DOP1A: variants seen among roughly 807,000 people sequenced by gnomAD.
DOP1A encodes the protein protein DOP1A.
Under a neutral mutation model 267.6 loss-of-function variants are expected in DOP1A, and 90 were observed. That is an observed-to-expected ratio of 0.34 (90% confidence interval 0.28 to 0.40). DOP1A has a LOEUF of 0.40. DOP1A is among the 10% of genes least tolerant of loss of function. DOP1A has a pLI of 1.00. For synonymous variants in DOP1A, 932 were observed against 999.1 expected, an observed-to-expected ratio of 0.93 and a Z score of 1.27; for missense variants, 2,437 against 2,900.4, an observed-to-expected ratio of 0.84 and a Z score of 3.67.
chr6:83,163,063 TC>T, intron 38 of DOP1A, 144 bp downstream of exon 38: 1 of 799,382 alleles, frequency 1.3e-6, no homozygotes, highest in Non-Finnish European at 1.9e-6. Context: ...AGAGTTAATG[TC>T]CATAAGCCTC....
intron 26 of DOP1A, among the ~76,000 whole-genome samples, chr6:83,148,149 C>T (rs1340650706): frequency 1.3e-5 from 2 of 152,170 alleles, no homozygotes. Context: ...GGCGGTGACT[C>T]TCGCCTGTAA....
At chr6:83,129,967 A>G (rs1777770829) in intron 16 of DOP1A, among the ~76,000 whole-genome samples, 156 bp from the exon 17 acceptor site, 2 of 152,220 alleles carry the variant, frequency 1.3e-5, no homozygotes. Context: ...TCTTGTTGCT[A>G]CTTTATTAAA....
chr6:83,094,018 A>G (rs970173136), intron 1 of DOP1A, among the ~76,000 whole-genome samples: 1 of 152,150 alleles, frequency 6.6e-6, no homozygotes, highest in Admixed American at 6.5e-5. Context: ...TGTCACCCCA[A>G]AAAGAAACCC....
chr6:83,162,930 CT>C lies in DOP1A; in HGVS notation c.7092+15del, dbSNP rs1562389316. 3.1e-6 allele frequency: 5 copies of C among 1,606,472 alleles called. No homozygotes were observed. The highest frequency in any genetic ancestry group is 1.3e-5 in the African/African-American group (1 of 74,634). ...CGGAAAAGAGCAAAGGTATCGCATT[CT>C]TTTGTGATTGTTTTGTTTTACATCA... On this transcript the variant is annotated intron_variant, in intron 38 of 38. Coordinates refer to ENST00000349129, the MANE Select transcript of DOP1A (RefSeq NM_015018.4).
At chr6:83,098,716 G>A (rs1023929538) in intron 3 of DOP1A, among the ~76,000 whole-genome samples, 3 of 152,158 alleles carry the variant, frequency 2.0e-5, no homozygotes, top group African/African-American at 2.4e-5. Context: ...AGGAACCTCC[G>A]CATGTGTTCA....
chr6:83,143,188 C>T (rs1779925708), intron 24 of DOP1A, among the ~76,000 whole-genome samples: 5 of 152,194 alleles, frequency 3.3e-5, no homozygotes, highest in South Asian at 2.1e-4. Flanking sequence ...GAGACCAAGG[C>T]GGGAGGATTG....
intron 1 of DOP1A, among the ~76,000 whole-genome samples, chr6:83,096,291 A>T (rs9361990): frequency 6.6e-6 from 1 of 151,102 alleles, no homozygotes; most frequent in Non-Finnish European, 1.5e-5. Context: ...TGTGTTGCCA[A>T]TGCTGGTCTT....
Position 83,138,614 on chromosome 6 carries a change from T to C in DOP1A, c.4572T>C (p.Val1524=), listed in dbSNP as rs776859552. Residue 1524 remains valine, a synonymous_variant, in exon 21 of 39, where the codon GTT becomes GTC. Transcript: ENST00000349129. The part of the protein sequence containing the change: ...FISDMLSKCK[V]QKVILHCLLS... ...CTGATATGTTATCTAAGTGCAAAGTTCAGAAAGTGATTCTTCATTGTTTGC... is the reference window on the plus strand; with the variant it reads ...CTGATATGTTATCTAAGTGCAAAGTCCAGAAAGTGATTCTTCATTGTTTGC... 1.9e-6 allele frequency: 3 copies of C among 1,613,900 alleles called. No homozygotes were observed. The highest frequency in any genetic ancestry group is 2.5e-6 in the Non-Finnish European group (3 of 1,179,906).
intron 1 of DOP1A, among the ~76,000 whole-genome samples, chr6:83,083,115 C>T (rs1262136717): frequency 2.0e-5 from 3 of 152,012 alleles, no homozygotes; most frequent in Non-Finnish European, 4.4e-5. Flanking sequence ...GCCAAAAACC[C>T]ACTCTTTTAT....
chr6:83,092,156 G>A (rs1770545068), intron 1 of DOP1A, among the ~76,000 whole-genome samples: 2 of 152,118 alleles, frequency 1.3e-5, no homozygotes, highest in South Asian at 4.1e-4. Context: ...TGTATGCTGT[G>A]TGTGTGTGTT....
Position 83,130,215 on chromosome 6 carries a change from T to TC in DOP1A, c.2435dup (p.Leu813ThrfsTer41), listed in dbSNP as rs1281760964. 6.2e-7 allele frequency: 1 copy of TC among 1,614,094 alleles called. No homozygotes were observed. Among genetic ancestry groups the TC allele is most frequent in the Non-Finnish European group, 8.5e-7 (1 of 1,179,994 alleles). On this transcript the variant is annotated frameshift_variant, in exon 17 of 39. Coordinates refer to ENST00000349129, the MANE Select transcript of DOP1A (RefSeq NM_015018.4). LOFTEE classifies it high-confidence loss of function. ...TTTCAGTGTTCAGAGTGTTGCTATTTCACTAGTTATGGACCTGGTGGGACT... is the reference window on the plus strand; with the variant it reads ...TTTCAGTGTTCAGAGTGTTGCTATTTCCACTAGTTATGGACCTGGTGGGACT...
At chr6:83,120,992 G>T (rs1776284936) in intron 10 of DOP1A, among the ~76,000 whole-genome samples, 1 of 151,892 alleles carries the variant, frequency 6.6e-6, no homozygotes, top group Admixed American at 6.6e-5. Context: ...CTGTCTTGTG[G>T]TATGTATGTA....
chr6:83,117,596 G>T (rs1441675822), intron 7 of DOP1A, among the ~76,000 whole-genome samples: 1 of 152,208 alleles, frequency 6.6e-6, no homozygotes, highest in Non-Finnish European at 1.5e-5. Flanking sequence ...AGGTGCAGCT[G>T]CTATGCTGCC....
In DOP1A at chr6:83,145,574, T is replaced by G. The variant is rs1562361208; in HGVS notation, c.5592T>G (p.Arg1864=). The change falls in exon 25 of 39, where the codon CGT becomes CGG. Residue 1864 remains arginine (R), a synonymous_variant. Coordinates refer to ENST00000349129, the MANE Select transcript of DOP1A (RefSeq NM_015018.4). The part of the protein sequence containing the change: ...EEQLLLVELV[R]SISVMRAETV... Reference sequence around the variant, plus strand: ...AGCTTTTATTAGTGGAATTGGTTCGTTCAATCAGTGTCATGAGAGCAGAAA... The same window carrying G: ...AGCTTTTATTAGTGGAATTGGTTCGGTCAATCAGTGTCATGAGAGCAGAAA... 4.3e-6 allele frequency: 7 copies of G among 1,612,058 alleles called. No homozygotes were observed. The highest frequency in any genetic ancestry group is 5.9e-6 in the Non-Finnish European group (7 of 1,178,816).
At chr6:83,070,078 G>C (rs1267386544) in intron 1 of DOP1A, among the ~76,000 whole-genome samples, 1 of 152,208 alleles carries the variant, frequency 6.6e-6, no homozygotes, top group Non-Finnish European at 1.5e-5. Flanking sequence ...AGTGTCACTA[G>C]TACACCACCA....
chr6:83,071,568 G>A (rs915008506), intron 1 of DOP1A, among the ~76,000 whole-genome samples: 18 of 151,900 alleles, frequency 1.2e-4, no homozygotes, highest in Admixed American at 4.6e-4. Context: ...ATCATCCCAC[G>A]TCTCCATTTG....
chr6:83,119,031 G>A (rs766252076), intron 8 of DOP1A, 44 bp downstream of exon 8: 2 of 1,553,702 alleles, frequency 1.3e-6, no homozygotes, highest in Non-Finnish European at 1.8e-6. Context: ...AAAAAATGGA[G>A]GGAGATTTGT....
chr6:83,085,562 T>G (rs576229486), intron 1 of DOP1A, among the ~76,000 whole-genome samples: 8 of 152,172 alleles, frequency 5.3e-5, no homozygotes, highest in Non-Finnish European at 1.2e-4. Context: ...ATGTAGAGAA[T>G]AGCAAGAACA....
Position 83,157,268 on chromosome 6 carries a change from A to C in DOP1A, c.6691A>C (p.Met2231Leu). Residue 2231 changes from methionine (M) to leucine (L), a missense_variant, in exon 35 of 39, where the codon ATG becomes CTG. Met to Leu is a conservative substitution (Grantham distance 15, BLOSUM62 2). Around this residue, in one of 9 missense-constraint regions of DOP1A, gnomAD observed 75 missense variants for 149.6 expected, o/e 0.50. Coordinates refer to ENST00000349129, the MANE Select transcript of DOP1A (RefSeq NM_015018.4). ...GTTTTTCAGAGTGTTACTTTTAAGA[A>C]TGTCTCCCCAACATCTTACCTCACT... ...FLFFRVLLLR[M>L]SPQHLTSLWP... 1 of 1,614,012 alleles carries C rather than the reference A, an allele frequency of 6.2e-7. No homozygotes were observed. The highest frequency in any genetic ancestry group is 8.5e-7 in the Non-Finnish European group (1 of 1,179,930).
Sources: allele counts gnomAD v4.1 joint callset (sites outside exome capture counted in the v4.1 genomes callset), GRCh38; gene constraint gnomAD v4.1.1; regional missense constraint gnomAD v4.1.1; transcripts MANE v1.5; gene names NCBI Gene and HGNC (gene_info 2026-07-23, HGNC 2026-07-21).